ZFPM2: variants seen among roughly 807,000 people sequenced by gnomAD.
ZFPM2 encodes the protein zinc finger protein ZFPM2.
ZFPM2 carries 20 observed loss-of-function variants against 98.6 expected under a neutral mutation model. The ratio of observed to expected loss-of-function variants is 0.20; its 90% CI spans 0.14 to 0.29. The LOEUF (loss-of-function observed/expected upper bound fraction) is 0.29. Ranked by LOEUF, ZFPM2 falls within the 10% of genes least tolerant of loss-of-function variation. ZFPM2 has a pLI of 1.00. For missense variants in ZFPM2, 1,310 were observed against 1,388.6 expected (o/e 0.94, Z 0.90); for synonymous variants, 518 against 502.7 (o/e 1.03, Z -0.41).
At chr8:105,669,934 T>C (rs1817557699) in intron 5 of ZFPM2, 2 of 152,246 alleles carry the variant, frequency 1.3e-5, no homozygotes, top group South Asian at 2.1e-4. Flanking sequence ...TTTTTCACCA[T>C]AAACTTTGAG....
chr8:105,647,731 T>C (rs1817078809), intron 5 of ZFPM2, among the ~76,000 whole-genome samples: 1 of 152,210 alleles, frequency 6.6e-6, no homozygotes, highest in East Asian at 1.9e-4. Flanking sequence ...GGCTGCATAG[T>C]ATTCCATGGT....
At chr8:105,504,432 T>G (rs1275034903) in intron 3 of ZFPM2, among the ~76,000 whole-genome samples, 2 of 152,180 alleles carry the variant, frequency 1.3e-5, no homozygotes, top group Non-Finnish European at 2.9e-5. Flanking sequence ...TTACACTTCC[T>G]CAGTTTAAGA....
intron 1 of ZFPM2, among the ~76,000 whole-genome samples, chr8:105,359,398 C>A (rs934380352): frequency 7.2e-5 from 10 of 138,802 alleles, no homozygotes; most frequent in African/African-American, 2.4e-4. Context: ...TGTTTTGAGA[C>A]AGAGTCTCGC....
chr8:105,777,824 G>A (rs1273301323), intron 5 of ZFPM2, among the ~76,000 whole-genome samples: 1 of 152,182 alleles, frequency 6.6e-6, no homozygotes, highest in Non-Finnish European at 1.5e-5. Flanking sequence ...CTATGAAGTA[G>A]TTAATACATT....
chr8:105,354,799 A>G (rs993986395), intron 1 of ZFPM2, among the ~76,000 whole-genome samples: 13 of 152,046 alleles, frequency 8.6e-5, no homozygotes, highest in Non-Finnish European at 1.8e-4. Context: ...CTAAAAATAC[A>G]AAAAATTAGC....
chr8:105,344,060 C>T (rs761051491), intron 1 of ZFPM2, among the ~76,000 whole-genome samples: 10 of 152,044 alleles, frequency 6.6e-5, no homozygotes, highest in Non-Finnish European at 1.0e-4. Context: ...CAAGGGAACT[C>T]CTCTTTATAC....
At chr8:105,700,611 G>A (rs1811120068) in intron 5 of ZFPM2, among the ~76,000 whole-genome samples, 1 of 151,968 alleles carries the variant, frequency 6.6e-6, no homozygotes, top group South Asian at 2.1e-4. Flanking sequence ...TGTTTTTTGA[G>A]ACTGAGTCTC....
intron 2 of ZFPM2, among the ~76,000 whole-genome samples, chr8:105,425,809 A>G (rs1283758490): frequency 6.6e-6 from 1 of 152,224 alleles, no homozygotes; most frequent in Non-Finnish European, 1.5e-5. Flanking sequence ...GTAAAGCAAC[A>G]GAAGTTTTGT....
At chr8:105,674,119 T>A (rs550752238) in intron 5 of ZFPM2, among the ~76,000 whole-genome samples, 73 of 152,354 alleles carry the variant, frequency 4.8e-4, no homozygotes, top group African/African-American at 1.7e-3. Context: ...TACACTGTGC[T>A]CACCATAGCT....
Position 105,327,203 on chromosome 8 carries a change from C to G in ZFPM2, c.40+8222C>G, listed in dbSNP as rs529094367. Among the ~76,000 whole-genome samples the G allele has an allele frequency of 1.3e-3, 204 of 151,534 alleles. 2 individuals carry two copies. The highest frequency in any genetic ancestry group is 0.01 in the Middle Eastern group (3 of 294). ...TAATATTGCATAGGAAGATTTCTTG[C>G]AAGTGTAAGTTAATCTACATAGATT... On this transcript the variant is annotated intron_variant, in intron 1 of 7. Transcript: ENST00000407775.
At chr8:105,769,705 A>C (rs565662142) in intron 5 of ZFPM2, among the ~76,000 whole-genome samples, 1 of 152,194 alleles carries the variant, frequency 6.6e-6, no homozygotes, top group African/African-American at 2.4e-5. Context: ...CTTATAAAAC[A>C]TAACCACAAT....
chr8:105,799,068 C>T, intron 7 of ZFPM2, 120 bp downstream of exon 7: 1 of 942,414 alleles, frequency 1.1e-6, no homozygotes, highest in Non-Finnish European at 1.5e-6. Flanking sequence ...ACATCAAAAT[C>T]AAACTTTCTG....
intron 1 of ZFPM2, among the ~76,000 whole-genome samples, chr8:105,365,163 C>T (rs1224581072): frequency 6.6e-6 from 1 of 152,110 alleles, no homozygotes; most frequent in African/African-American, 2.4e-5. Context: ...TTTTGGTGAT[C>T]ACATAACTCA....
chr8:105,429,550 T>G (rs7821872), intron 2 of ZFPM2, among the ~76,000 whole-genome samples: 2,162 of 151,804 alleles, frequency 0.014, 52 homozygotes, highest in African/African-American at 0.048. Context: ...CATTCTAATG[T>G]GGAAACCACT....
At chr8:105,534,403 T>TTTCC (rs959361956) in intron 3 of ZFPM2, among the ~76,000 whole-genome samples, 5 of 129,314 alleles carry the variant, frequency 3.9e-5, no homozygotes, top group African/African-American at 1.3e-4. Context: ...CCTTCCTACC[T>TTTCC]TTCCTTCCTT....
intron 1 of ZFPM2, among the ~76,000 whole-genome samples, chr8:105,340,327 A>G (rs1271208632): frequency 1.3e-5 from 2 of 152,054 alleles, no homozygotes; most frequent in Non-Finnish European, 2.9e-5. Flanking sequence ...GAAATTGGAA[A>G]ATCATCACTC....
intron 3 of ZFPM2, 97 bp from the exon 4 acceptor site, chr8:105,561,266 T>C: frequency 1.1e-6 from 1 of 895,388 alleles, no homozygotes; most frequent in Non-Finnish European, 1.8e-6. Context: ...ATATGAATCC[T>C]GAGAATATCA....
At chr8:105,654,758 A>G (rs1817250928) in intron 5 of ZFPM2, among the ~76,000 whole-genome samples, 1 of 152,146 alleles carries the variant, frequency 6.6e-6, no homozygotes, top group South Asian at 2.1e-4. Flanking sequence ...AGATGCCTGA[A>G]CTTATCTATA....
chr8:105,793,545 A>T (rs916221751), intron 6 of ZFPM2, among the ~76,000 whole-genome samples: 2 of 152,004 alleles, frequency 1.3e-5, no homozygotes, highest in Non-Finnish European at 2.9e-5. Context: ...AACTTTGGTG[A>T]ATCTGATAAT....
Sources: allele counts gnomAD v4.1 joint callset (sites outside exome capture counted in the v4.1 genomes callset), GRCh38; gene constraint gnomAD v4.1.1; transcripts MANE v1.5; gene names NCBI Gene and HGNC (gene_info 2026-07-23, HGNC 2026-07-21).